The following MDGA2 variants were observed in gnomAD, a reference collection of about 807,000 sequenced individuals.
The protein encoded by MDGA2 is MAM domain-containing glycosylphosphatidylinositol anchor protein 2.
MDGA2 carries 40 observed loss-of-function variants against 117.8 expected under a neutral mutation model. The observed-to-expected ratio is 0.34, with a 90% confidence interval of 0.26 to 0.44. The LOEUF is 0.44. Ranked by LOEUF, MDGA2 falls within the 20% of genes least tolerant of loss-of-function variation. MDGA2 has a pLI of 1.00. For missense variants in MDGA2, 1,123 were observed against 1,250.6 expected (o/e 0.90, Z 1.54); for synonymous variants, 452 against 439.0 (o/e 1.03, Z -0.37).
At chr14:47,322,403 G>A (rs911384423) in intron 1 of MDGA2, among the ~76,000 whole-genome samples, 2 of 151,984 alleles carry the variant, frequency 1.3e-5, no homozygotes, top group Admixed American at 6.6e-5. Flanking sequence ...ATTTCATTTC[G>A]TGCTTTATTA....
At chr14:47,039,930 A>C (rs1477016363) in intron 7 of MDGA2, among the ~76,000 whole-genome samples, 1 of 150,998 alleles carries the variant, frequency 6.6e-6, no homozygotes, top group Non-Finnish European at 1.5e-5. Flanking sequence ...CACACACACA[A>C]GTAACTATGC....
chr14:47,464,564 A>T (rs1311646061), intron 1 of MDGA2, among the ~76,000 whole-genome samples: 3 of 152,124 alleles, frequency 2.0e-5, no homozygotes, highest in Non-Finnish European at 4.4e-5. Flanking sequence ...GAAATCATAA[A>T]GGCAATCCCA....
intron 1 of MDGA2, among the ~76,000 whole-genome samples, chr14:47,410,441 GT>G (rs11409013): frequency 6.6e-6 from 1 of 151,636 alleles, no homozygotes; most frequent in Non-Finnish European, 1.5e-5. Flanking sequence ...TTTTCTTTTT[GT>G]TTTTTTGTTT....
chr14:47,416,597 T>C (rs944084203), intron 1 of MDGA2, among the ~76,000 whole-genome samples: 5 of 152,114 alleles, frequency 3.3e-5, no homozygotes, highest in African/African-American at 1.2e-4. Context: ...TGGGGACTCT[T>C]GAAGTGGCCC....
At chr14:47,238,522 G>A (rs544359300) in intron 2 of MDGA2, among the ~76,000 whole-genome samples, 3 of 151,252 alleles carry the variant, frequency 2.0e-5, no homozygotes, top group African/African-American at 4.9e-5. Context: ...AAGGTCTTAC[G>A]TGCTTACAAA....
intron 9 of MDGA2, among the ~76,000 whole-genome samples, chr14:46,924,116 G>A (rs1884235021): frequency 6.6e-6 from 1 of 151,636 alleles, no homozygotes; most frequent in Non-Finnish European, 1.5e-5. Context: ...TGAACTGGGA[G>A]GTAAATTTTG....
intron 1 of MDGA2, among the ~76,000 whole-genome samples, chr14:47,474,445 T>C (rs1893793501): frequency 6.6e-6 from 1 of 152,008 alleles, no homozygotes; most frequent in Non-Finnish European, 1.5e-5. Context: ...CCCATTAAAC[T>C]ACCACTGACA....
Position 46,929,580 on chromosome 14 carries a change from C to CGTGTGT in MDGA2, c.2090-9426_2090-9421dup, listed in dbSNP as rs375013114. On this transcript the variant is annotated intron_variant, in intron 9 of 16. Transcript: ENST00000399232. ...AATGTATATATATCAAGTATATATA[C>CGTGTGT]GTGTGTGTGTGTGTGTGTGTGTATA... Among the ~76,000 whole-genome samples, 144 of 32,986 alleles carry CGTGTGT rather than the reference C, an allele frequency of 4.4e-3. 6 individuals are homozygous for CGTGTGT. Among genetic ancestry groups the CGTGTGT allele is most frequent in the African/African-American group, 0.018 (133 of 7,572 alleles). 21.6% of individuals were successfully genotyped at this position (32,986 alleles called of 152,430 possible).
intron 8 of MDGA2, among the ~76,000 whole-genome samples, chr14:46,988,067 ATAG>A (rs1449305929): frequency 6.6e-6 from 1 of 151,926 alleles, no homozygotes; most frequent in Non-Finnish European, 1.5e-5. Context: ...TTAAAGTAAA[ATAG>A]TAGTAAAGAG....
At chr14:46,888,439 T>C (rs1244748837) in intron 10 of MDGA2, among the ~76,000 whole-genome samples, 3 of 151,954 alleles carry the variant, frequency 2.0e-5, no homozygotes, top group Non-Finnish European at 4.4e-5. Context: ...TAATTTTTTC[T>C]TTTATCCCCA....
At chr14:46,913,159 T>C (rs1883769826) in intron 10 of MDGA2, among the ~76,000 whole-genome samples, 1 of 152,158 alleles carries the variant, frequency 6.6e-6, no homozygotes, top group African/African-American at 2.4e-5. Context: ...ATTTTAACGT[T>C]TTCTTAATTC....
At chr14:47,270,088 A>G (rs1017882462) in intron 2 of MDGA2, among the ~76,000 whole-genome samples, 1 of 152,184 alleles carries the variant, frequency 6.6e-6, no homozygotes, top group African/African-American at 2.4e-5. Context: ...TGTGGGGTTG[A>G]TCTCAGAAGT....
At chr14:47,257,863 A>G (rs1043932051) in intron 2 of MDGA2, among the ~76,000 whole-genome samples, 5 of 152,112 alleles carry the variant, frequency 3.3e-5, no homozygotes, top group Non-Finnish European at 7.4e-5. Flanking sequence ...CTCCTAGGTG[A>G]CTTTTGAAAA....
intron 1 of MDGA2, among the ~76,000 whole-genome samples, chr14:47,400,664 C>T (rs1295686996): frequency 2.0e-5 from 3 of 147,262 alleles, no homozygotes; most frequent in African/African-American, 7.5e-5. Context: ...CCAACCTGGG[C>T]GACGAAGCAA....
At chr14:46,867,235 C>T (rs559621155) in intron 14 of MDGA2, among the ~76,000 whole-genome samples, 1 of 152,300 alleles carries the variant, frequency 6.6e-6, no homozygotes, top group Admixed American at 6.5e-5. Context: ...AGTTCATGTA[C>T]TTTGTAAGGA....
At chr14:47,566,204 A>C (rs1159756855) in intron 1 of MDGA2, among the ~76,000 whole-genome samples, 1 of 152,090 alleles carries the variant, frequency 6.6e-6, no homozygotes, top group Non-Finnish European at 1.5e-5. Context: ...GTGTGTCAGC[A>C]AGGGCTGCTC....
At chr14:47,508,350 T>G (rs1483308081) in intron 1 of MDGA2, among the ~76,000 whole-genome samples, 1 of 131,756 alleles carries the variant, frequency 7.6e-6, no homozygotes, top group African/African-American at 2.8e-5. Context: ...ATTTGCTGAT[T>G]GACTCTCTCT....
At chr14:47,657,975 T>G (rs771111143) in intron 1 of MDGA2, among the ~76,000 whole-genome samples, 34 of 152,130 alleles carry the variant, frequency 2.2e-4, no homozygotes, top group Non-Finnish European at 4.0e-4. Context: ...TCAGTTATCT[T>G]CACTCTCATG....
chr14:47,214,288 A>G (rs1384317255), intron 3 of MDGA2, among the ~76,000 whole-genome samples: 1 of 152,160 alleles, frequency 6.6e-6, no homozygotes, highest in Non-Finnish European at 1.5e-5. Flanking sequence ...AAATATTTGC[A>G]TAAATAACCA....
Sources: gnomAD v4.1 joint callset for allele counts (sites outside exome capture counted in the v4.1 genomes callset) on GRCh38, gnomAD v4.1.1 for gene constraint, MANE v1.5 for transcripts, NCBI Gene and HGNC (gene_info 2026-07-23, HGNC 2026-07-21) for gene names.